Variants in CSF1R observed in about 807,000 individuals in gnomAD.
CSF1R encodes the protein macrophage colony-stimulating factor 1 receptor.
A neutral mutation model predicts 110.0 loss-of-function variants in CSF1R; 40 were observed. The ratio of observed to expected loss-of-function variants is 0.36; its 90% CI spans 0.28 to 0.47. The LOEUF (loss-of-function observed/expected upper bound fraction) is 0.47, where lower values mean the gene tolerates loss of function less well. Ranked by LOEUF, CSF1R falls within the 20% of genes least tolerant of loss-of-function variation. CSF1R has a pLI of 0.99. For missense variants in CSF1R, 1,052 were observed against 1,253.0 expected (o/e 0.84, Z 2.42); for synonymous variants, 523 against 503.4 (o/e 1.04, Z -0.52).
At chr5:150,084,343 A>G (rs558167811) in intron 1 of CSF1R, among the ~76,000 whole-genome samples, 2 of 84,570 alleles carry the variant, frequency 2.4e-5, no homozygotes, top group African/African-American at 8.4e-5. Flanking sequence ...AAAGATAGAA[A>G]AAAGAAAGAA....
chr5:150,069,602 T>TA (rs1468570727), intron 9 of CSF1R, among the ~76,000 whole-genome samples: 1 of 152,046 alleles, frequency 6.6e-6, no homozygotes, highest in African/African-American at 2.4e-5. Flanking sequence ...ATGCATGAGT[T>TA]AGAGTGCAGG....
intron 1 of CSF1R, among the ~76,000 whole-genome samples, chr5:150,096,465 C>A (rs1759226653): frequency 6.6e-6 from 1 of 152,116 alleles, no homozygotes; most frequent in Non-Finnish European, 1.5e-5. Context: ...GGAGAGATGA[C>A]TTTTTAATTC....
intron 3 of CSF1R, 75 bp downstream of exon 3, chr5:150,079,977 G>A (rs974815200): frequency 1.9e-6 from 3 of 1,543,356 alleles, no homozygotes; most frequent in African/African-American, 1.4e-5. Flanking sequence ...CCAGTCCCCA[G>A]TCACCACCCA....
chr5:150,055,966 C>A, intron 18 of CSF1R, 60 bp downstream of exon 18: 1 of 1,496,456 alleles, frequency 6.7e-7, no homozygotes, highest in South Asian at 1.2e-5. Flanking sequence ...CTTTGTCCAC[C>A]AGTGGGGCAA....
At chr5:150,054,801 A>T (rs768857522) in intron 19 of CSF1R, 2 of 257,396 alleles carry the variant, frequency 7.8e-6, no homozygotes, top group Non-Finnish European at 1.5e-5. Context: ...AGCCTGGACA[A>T]CATAGTGAGA....
At position 150,078,185 on chromosome 5, in the gene CSF1R, G is replaced by A. The variant is rs764988673; in HGVS notation, c.656C>T (p.Ala219Val). ...GCTGGCTGAGCACACGATCTGGGCA[G>A]CCTCCCCTCGAATCCGCACCAGCTC... ...PAELVRIRGE[A>V]AQIVCSASSV... The change falls in exon 4 of 21, where the codon GCT (alanine) becomes GTT (valine). Residue 219 changes from alanine to valine, a missense_variant. By Grantham distance (64) the Ala-to-Val change is moderately conservative. Around this residue, in one of 5 missense-constraint regions of CSF1R, gnomAD observed 693 missense variants for 735.4 expected, o/e 0.94. Transcript: ENST00000675795. The A allele has an allele frequency of 6.2e-7, 1 of 1,614,130 alleles. No individual in the cohort carries two copies. Among genetic ancestry groups the A allele is most frequent in the African/African-American group, 1.3e-5 (1 of 75,034 alleles).
At chr5:150,081,435 C>T (rs536169930) in intron 1 of CSF1R, among the ~76,000 whole-genome samples, 39 of 152,202 alleles carry the variant, frequency 2.6e-4, no homozygotes, top group African/African-American at 7.7e-4. Flanking sequence ...GGAATGTTCA[C>T]GGCCAAGTCC....
chr5:150,098,608 T>C (rs1428801524), intron 1 of CSF1R: 1 of 152,178 alleles, frequency 6.6e-6, no homozygotes, highest in Non-Finnish European at 1.5e-5. Flanking sequence ...ATATTCAACA[T>C]TGCATATCTT....
At chr5:150,101,365 A>G (rs556211776) in intron 1 of CSF1R, among the ~76,000 whole-genome samples, 1 of 152,346 alleles carries the variant, frequency 6.6e-6, no homozygotes, top group Admixed American at 6.5e-5. Context: ...GATCAGCTGA[A>G]TACTGTAGAT....
chr5:150,100,539 C>T (rs1357290885), intron 1 of CSF1R, among the ~76,000 whole-genome samples: 1 of 151,476 alleles, frequency 6.6e-6, no homozygotes, highest in African/African-American at 2.4e-5. Flanking sequence ...TGTTCATTTC[C>T]GGCTATACAA....
At chr5:150,077,472 A>C (rs1758319634) in intron 4 of CSF1R, 37 bp from the exon 5 acceptor site, 1 of 1,590,300 alleles carries the variant, frequency 6.3e-7, no homozygotes, top group Non-Finnish European at 8.6e-7. Context: ...ATACCAAGGT[A>C]GTTTAGGGAT....
chr5:150,057,586 A>G lies in CSF1R; in HGVS notation c.2139T>C (p.Ser713=). The change falls in exon 15 of 21, where the codon AGT becomes AGC. Residue 713 remains serine (S), a synonymous_variant. Transcript: ENST00000675795. ...TGTCCACACCCTGGCTGGAGAAGCCACTGTCCCTACATAGGAGAGAGGGTT... is the reference window on the plus strand; with the variant it reads ...TGTCCACACCCTGGCTGGAGAAGCCGCTGTCCCTACATAGGAGAGAGGGTT... ...HLEKKYVRRD[S]GFSSQGVDTY... is the part of the protein sequence containing the mutation. The G allele has an allele frequency of 6.2e-7, 1 of 1,613,812 alleles. No individual in the cohort carries two copies.
rs115215423 is a variant in CSF1R at position 150,107,009 on chromosome 5, G to A, written c.-181+6252C>T. Among the ~76,000 whole-genome samples, 555 of 152,244 alleles carry A rather than the reference G, an allele frequency of 3.6e-3. 4 individuals are homozygous for A. Among genetic ancestry groups the A allele is most frequent in the African/African-American group, 0.013 (526 of 41,552 alleles). On this transcript the variant is annotated intron_variant, in intron 1 of 21. Transcript: ENST00000286301. ...TCCTGGTAGGGCCAGTCTCCCTTCC[G>A]GTCTTCTTTATACCCTCTACACCTG... is the stretch of plus-strand genomic sequence containing the variant.
Position 150,061,791 on chromosome 5 carries a change from G to C in CSF1R, c.1685C>G (p.Thr562Ser), listed in dbSNP as rs1173478824. The change falls in exon 11 of 21, where the codon ACT becomes AGT. Residue 562 changes from threonine to serine, a missense_variant. By Grantham distance (58) the Thr-to-Ser change is moderately conservative. Coordinates refer to ENST00000675795, the MANE Select transcript of CSF1R (RefSeq NM_001288705.3). Reference protein sequence around the residue: ...IIESYEGNSYTFIDPTQLPYN... With the variant: ...IIESYEGNSYSFIDPTQLPYN... ...AGGCAGCTGCGTGGGGTCGATGAAA[G>C]TATAACTGTTGCCCTCATAGCTCTC... 6.2e-7 allele frequency: 1 copy of C among 1,614,118 alleles called. No individual in the cohort carries two copies. The highest frequency in any genetic ancestry group is 1.3e-5 in the African/African-American group (1 of 74,926).
chr5:150,059,851 C>T lies in CSF1R; in HGVS notation c.1981G>A (p.Val661Ile), dbSNP rs769989694. 3.7e-6 allele frequency: 6 copies of T among 1,613,778 alleles called. No individual in the cohort carries two copies. The South Asian group carries it at 6.6e-5, about 18-fold the overall frequency. ...CCATAGCAACAGTACTCCGTGATGA[C>T]CAGTACAGGGCCTAGAGCAGCCAAG... The part of the protein sequence containing the change: ...GACTHGGPVL[V>I]ITEYCCYGDL... The change falls in exon 14 of 21, where the codon GTC becomes ATC. Residue 661 changes from valine to isoleucine, a missense_variant. Around this residue, in one of 5 missense-constraint regions of CSF1R, gnomAD observed 76 missense variants for 133.6 expected, o/e 0.57. Transcript: ENST00000675795.
At position 150,059,738 on chromosome 5, in the gene CSF1R, G is replaced by T; in HGVS notation, c.2094C>A (p.Asp698Glu). The change falls in exon 14 of 21, where the codon GAC becomes GAA. Residue 698 changes from aspartate to glutamate, a missense_variant. Around this residue, in one of 5 missense-constraint regions of CSF1R, gnomAD observed 124 missense variants for 117.7 expected, o/e 1.05. Transcript: ENST00000675795. ...TCTTCTCGAGGTGGATGTTCTTATAGTCGACGCCTCCCTCGGGGTCCTGGC... is the reference window on the plus strand; with the variant it reads ...TCTTCTCGAGGTGGATGTTCTTATATTCGACGCCTCCCTCGGGGTCCTGGC... Reference protein sequence around the residue: ...SPGQDPEGGVDYKNIHLEKKY... With the variant: ...SPGQDPEGGVEYKNIHLEKKY... 6.2e-7 allele frequency: 1 copy of T among 1,614,188 alleles called. No individual in the cohort carries two copies. Among genetic ancestry groups the T allele is most frequent in the East Asian group, 2.2e-5 (1 of 44,884 alleles).
Position 150,053,903 on chromosome 5 carries a change from C to CCT in CSF1R, c.*164_*165dup, listed in dbSNP as rs1346934603. The CCT allele has an allele frequency of 1.4e-6, 1 of 702,562 alleles. No individual in the cohort carries two copies. The allele number at this position is 702,562 out of a possible 1,614,324, so 43.5% of individuals were successfully genotyped here. ...ATGGCCCATGCTCAGGAAGTGGGAT[C>CCT]CTCTGACCTCCCCTGAATCCCTCAC... On this transcript the variant is annotated 3_prime_UTR_variant, in exon 21 of 21. Transcript: ENST00000675795.
chr5:150,063,438 C>T (rs943265061), intron 10 of CSF1R, among the ~76,000 whole-genome samples: 1 of 151,988 alleles, frequency 6.6e-6, no homozygotes, highest in Non-Finnish European at 1.5e-5. Context: ...GCTCAAACTC[C>T]TGGGCTCAAG....
chr5:150,101,070 G>GA (rs11393780), intron 1 of CSF1R, among the ~76,000 whole-genome samples: 1,852 of 131,872 alleles, frequency 0.014, 21 homozygotes, highest in African/African-American at 0.036. Context: ...GTTGCTCTCA[G>GA]AAAAAAAAAA....
Sources: allele counts gnomAD v4.1 joint callset (sites outside exome capture counted in the v4.1 genomes callset), GRCh38; gene constraint gnomAD v4.1.1; regional missense constraint gnomAD v4.1.1; transcripts MANE v1.5; gene names NCBI Gene and HGNC (gene_info 2026-07-23, HGNC 2026-07-21).